The following SPMIP7 variants were observed in gnomAD, a reference collection of about 807,000 sequenced individuals.
SPMIP7 encodes the protein protein SPMIP7.
chr7:50,121,154 A>G, the SPMIP7 span: 1 of 152,226 alleles, frequency 6.6e-6, no homozygotes, highest in African/African-American at 2.4e-5. Context: ...CATATAATGA[A>G]TTGTGAATTT....
chr7:50,119,756 G>T, the SPMIP7 span, among the ~76,000 whole-genome samples: 1 of 152,160 alleles, frequency 6.6e-6, no homozygotes, highest in Non-Finnish European at 1.5e-5. Flanking sequence ...GCCTACAAAA[G>T]GTATGTTGTG....
chr7:50,123,300 A>T, the SPMIP7 span, among the ~76,000 whole-genome samples: 1 of 134,906 alleles, frequency 7.4e-6, no homozygotes, highest in Non-Finnish European at 1.6e-5. Context: ...CATCATTCTC[A>T]GTAAACTATC....
chr7:50,120,949 G>T, the SPMIP7 span, among the ~76,000 whole-genome samples: 3 of 152,068 alleles, frequency 2.0e-5, no homozygotes, highest in Non-Finnish European at 4.4e-5. Flanking sequence ...AGTTTGGTTC[G>T]CAGAGATTCC....
chr7:50,140,849 C>T, the SPMIP7 span, among the ~76,000 whole-genome samples: 53,221 of 152,088 alleles, frequency 0.35, 9,709 homozygotes, highest in Non-Finnish European at 0.41. Flanking sequence ...AACTTTCTCT[C>T]AGGCCCAGGG....
At chr7:50,135,043 C>T in the SPMIP7 span, among the ~76,000 whole-genome samples, 1 of 152,160 alleles carries the variant, frequency 6.6e-6, no homozygotes, top group Non-Finnish European at 1.5e-5. Flanking sequence ...CCTTTCTCTG[C>T]TGAGCTTCTC....
the SPMIP7 span, among the ~76,000 whole-genome samples, chr7:50,128,246 T>C: frequency 2.0e-5 from 3 of 151,936 alleles, no homozygotes; most frequent in African/African-American, 7.2e-5. Context: ...CACACTGATA[T>C]ACGAAAGCTA....
the SPMIP7 span, among the ~76,000 whole-genome samples, chr7:50,148,194 G>T: frequency 2.0e-5 from 3 of 152,156 alleles, no homozygotes; most frequent in Non-Finnish European, 4.4e-5. Context: ...TGTGGGTGAG[G>T]ACTTTCGTTT....
At chr7:50,150,944 C>T in the SPMIP7 span, among the ~76,000 whole-genome samples, 3 of 152,250 alleles carry the variant, frequency 2.0e-5, no homozygotes, top group South Asian at 6.2e-4. Flanking sequence ...ACGTTTGTTT[C>T]CAATGGGCAA....
the SPMIP7 span, among the ~76,000 whole-genome samples, chr7:50,128,516 C>G: frequency 6.6e-6 from 1 of 151,896 alleles, no homozygotes; most frequent in African/African-American, 2.4e-5. Flanking sequence ...GATGGATATT[C>G]CAATTACTCT....
At chr7:50,146,532 T>C in the SPMIP7 span, among the ~76,000 whole-genome samples, 13 of 152,220 alleles carry the variant, frequency 8.5e-5, no homozygotes, top group Admixed American at 7.2e-4. Flanking sequence ...AAAAAATATC[T>C]TGTGGCCACG....
chr7:50,124,667 A>G, the SPMIP7 span, among the ~76,000 whole-genome samples: 11 of 152,208 alleles, frequency 7.2e-5, no homozygotes, highest in Admixed American at 2.0e-4. Flanking sequence ...AAATTAGAAA[A>G]TATTTAAACT....
At chr7:50,104,461 T>C in the SPMIP7 span, 4 of 617,696 alleles carry the variant, frequency 6.5e-6, no homozygotes, top group Admixed American at 6.2e-5. Flanking sequence ...TATTTCATTG[T>C]ATTATATATA....
the SPMIP7 span, among the ~76,000 whole-genome samples, chr7:50,125,593 T>TGC: frequency 1.2e-4 from 18 of 149,586 alleles, no homozygotes; most frequent in African/African-American, 4.4e-4. Flanking sequence ...ATGGTGTGTG[T>TGC]GTGTGTGTGT....
the SPMIP7 span, among the ~76,000 whole-genome samples, chr7:50,150,222 C>A: frequency 6.6e-6 from 1 of 152,120 alleles, no homozygotes; most frequent in Non-Finnish European, 1.5e-5. Context: ...ATTCCTCCAC[C>A]ACCCACAGAG....
At chr7:50,113,498 T>C in the SPMIP7 span, among the ~76,000 whole-genome samples, 1 of 152,128 alleles carries the variant, frequency 6.6e-6, no homozygotes, top group African/African-American at 2.4e-5. Context: ...AGGGATGATA[T>C]GAAGATACAA....
At chr7:50,152,914 T>C in the SPMIP7 span, among the ~76,000 whole-genome samples, 1 of 152,098 alleles carries the variant, frequency 6.6e-6, no homozygotes, top group Non-Finnish European at 1.5e-5. Flanking sequence ...CTCAAACTCC[T>C]GACCTCAAGT....
At chr7:50,148,993 A>T in the SPMIP7 span, among the ~76,000 whole-genome samples, 2 of 152,244 alleles carry the variant, frequency 1.3e-5, no homozygotes, top group Admixed American at 1.3e-4. Flanking sequence ...AAAAATACAA[A>T]AGTTAGCTGG....
chr7:50,147,187 A>C, the SPMIP7 span, among the ~76,000 whole-genome samples: 2 of 152,258 alleles, frequency 1.3e-5, no homozygotes, highest in Non-Finnish European at 2.9e-5. Flanking sequence ...ACTGTAGCTG[A>C]TATAGAATGG....
the SPMIP7 span, among the ~76,000 whole-genome samples, chr7:50,130,895 C>G: frequency 8.4e-4 from 127 of 152,024 alleles, 1 homozygote; most frequent in Non-Finnish European, 1.6e-3. Context: ...AGTAGGGTAA[C>G]AGTAGGGTAA....
Sources: allele counts gnomAD v4.1 joint callset (sites outside exome capture counted in the v4.1 genomes callset), GRCh38; gene constraint gnomAD v4.1.1; transcripts MANE v1.5; gene names NCBI Gene and HGNC (gene_info 2026-07-23, HGNC 2026-07-21).